The following SPOCK3 variants were observed in gnomAD, a reference collection of about 807,000 sequenced individuals.
SPOCK3 encodes the protein testican-3.
Under a neutral mutation model 56.6 loss-of-function variants are expected in SPOCK3, and 30 were observed. The ratio of observed to expected loss-of-function variants is 0.53; its 90% CI spans 0.40 to 0.72. The LOEUF (loss-of-function observed/expected upper bound fraction) is 0.72. SPOCK3 is among the 30% of genes least tolerant of loss of function. The probability of loss-of-function intolerance (pLI) is 0.00; values close to 1 mark genes in which losing one functional copy is unlikely to be tolerated. For synonymous variants in SPOCK3, 196 were observed against 183.3 expected, an observed-to-expected ratio of 1.07 and a Z score of -0.56; for missense variants, 527 against 530.0, an observed-to-expected ratio of 0.99 and a Z score of 0.06.
chr4:167,157,153 T>TA (rs1764882757), intron 2 of SPOCK3, among the ~76,000 whole-genome samples: 1 of 152,026 alleles, frequency 6.6e-6, no homozygotes, highest in African/African-American at 2.4e-5. Flanking sequence ...GATTATGAAT[T>TA]AAAAAAATAG....
At chr4:166,885,434 A>G (rs1374056450) in intron 6 of SPOCK3, among the ~76,000 whole-genome samples, 1 of 142,818 alleles carries the variant, frequency 7.0e-6, no homozygotes, top group Non-Finnish European at 1.5e-5. Flanking sequence ...AAACATTTTC[A>G]TATGTTTGAC....
At chr4:166,996,031 A>C (rs1748333248) in intron 4 of SPOCK3, among the ~76,000 whole-genome samples, 2 of 152,152 alleles carry the variant, frequency 1.3e-5, no homozygotes, top group Non-Finnish European at 2.9e-5. Flanking sequence ...TTTTAAAAAT[A>C]GTCATTATAA....
At chr4:167,011,579 G>C (rs573072610) in intron 3 of SPOCK3, among the ~76,000 whole-genome samples, 2 of 151,978 alleles carry the variant, frequency 1.3e-5, no homozygotes, top group African/African-American at 4.8e-5. Flanking sequence ...GTTTCCCCAG[G>C]ATCAATGTTG....
In SPOCK3 at chr4:167,031,770, G is replaced by A. The variant is rs115143891; in HGVS notation, c.235+30722C>T. 7.8e-3 allele frequency among the ~76,000 whole-genome samples: 1,185 copies of A among 152,032 alleles called. 24 individuals carry two copies. The highest frequency in any genetic ancestry group is 0.027 in the African/African-American group (1,117 of 41,512). On this transcript the variant is annotated intron_variant, in intron 3 of 10. Coordinates refer to ENST00000357545, the MANE Select transcript of SPOCK3 (RefSeq NM_001040159.2). ...TGAAACTCCTTTCTTTTCCTTTAGG[G>A]ATCTGCCCCTCTTCATGCCAATGTG...
At chr4:166,991,343 ATATTTATTTATTTATTTATT>A (rs5863850) in intron 4 of SPOCK3, among the ~76,000 whole-genome samples, 1 of 142,838 alleles carries the variant, frequency 7.0e-6, no homozygotes, top group Non-Finnish European at 1.5e-5. Context: ...TTTTGTTTTT[ATATTTATTTATTTATTTATT>A]TATTTATTTA....
At chr4:167,201,024 T>C (rs968328939) in intron 2 of SPOCK3, among the ~76,000 whole-genome samples, 35 of 152,008 alleles carry the variant, frequency 2.3e-4, no homozygotes, top group African/African-American at 8.0e-4. Context: ...TTTAAAACAA[T>C]TGAGCTGAGT....
At chr4:167,126,531 AAG>A (rs1762297711) in intron 2 of SPOCK3, among the ~76,000 whole-genome samples, 1 of 152,114 alleles carries the variant, frequency 6.6e-6, no homozygotes, top group African/African-American at 2.4e-5. Flanking sequence ...CCTGGGCAAC[AAG>A]AGTCAAACTC....
chr4:166,881,438 A>T (rs1003821270), intron 6 of SPOCK3, among the ~76,000 whole-genome samples: 9 of 151,930 alleles, frequency 5.9e-5, no homozygotes, highest in African/African-American at 2.2e-4. Context: ...ACTTCAACTA[A>T]CTTACTTGTA....
At position 167,108,971 on chromosome 4, in the gene SPOCK3, AT is replaced by A. The variant is rs1333710309; in HGVS notation, c.190-46435del. On this transcript the variant is annotated intron_variant, in intron 2 of 10. Coordinates refer to ENST00000357545, the MANE Select transcript of SPOCK3 (RefSeq NM_001040159.2). ...TTATAAATATTATATATATAAATATATAAATATTATAAATATATATTTATAT... is the reference window on the plus strand; with the variant it reads ...TTATAAATATTATATATATAAATATAAAATATTATAAATATATATTTATAT... 1.5e-4 allele frequency among the ~76,000 whole-genome samples: 10 copies of A among 67,708 alleles called. 1 individual carries two copies. The highest frequency in any genetic ancestry group is 6.4e-4 in the African/African-American group (9 of 14,102). The allele number at this position is 67,708 out of a possible 152,430, so 44.4% of individuals were successfully genotyped here.
intron 2 of SPOCK3, among the ~76,000 whole-genome samples, chr4:167,211,190 C>T (rs1427509776): frequency 1.3e-5 from 2 of 152,008 alleles, no homozygotes; most frequent in Admixed American, 1.3e-4. Flanking sequence ...GCCTGTAGCC[C>T]CTTTGTTTTG....
intron 4 of SPOCK3, among the ~76,000 whole-genome samples, chr4:166,963,457 A>C (rs1413342276): frequency 6.6e-6 from 1 of 151,940 alleles, no homozygotes; most frequent in Non-Finnish European, 1.5e-5. Flanking sequence ...TTCTTGAATC[A>C]TCATTGTTGA....
intron 7 of SPOCK3, among the ~76,000 whole-genome samples, chr4:166,776,300 C>A (rs951147271): frequency 1.1e-4 from 16 of 152,014 alleles, no homozygotes; most frequent in Non-Finnish European, 4.4e-5. Flanking sequence ...GTAGTCCCAG[C>A]TACTCAGGAG....
chr4:167,010,982 A>G (rs1749988193), intron 3 of SPOCK3, among the ~76,000 whole-genome samples: 4 of 152,174 alleles, frequency 2.6e-5, no homozygotes, highest in African/African-American at 9.7e-5. Context: ...TGGTGCATGT[A>G]AACATTTAAA....
At chr4:166,949,711 A>G (rs995289414) in intron 4 of SPOCK3, among the ~76,000 whole-genome samples, 1 of 152,116 alleles carries the variant, frequency 6.6e-6, no homozygotes, top group African/African-American at 2.4e-5. Context: ...GTTTCGTCTC[A>G]GAGGAGTACC....
chr4:166,953,732 A>G (rs888358877), intron 4 of SPOCK3, among the ~76,000 whole-genome samples: 1 of 152,246 alleles, frequency 6.6e-6, no homozygotes, highest in African/African-American at 2.4e-5. Flanking sequence ...TGGCACATAT[A>G]CACCATGGAA....
At chr4:166,740,968 T>C (rs934141017) in intron 9 of SPOCK3, among the ~76,000 whole-genome samples, 8 of 152,162 alleles carry the variant, frequency 5.3e-5, no homozygotes, top group Non-Finnish European at 1.2e-4. Context: ...AACTTTTAAT[T>C]TTGTACAATG....
intron 3 of SPOCK3, among the ~76,000 whole-genome samples, chr4:167,024,188 C>T (rs1395206708): frequency 6.6e-6 from 1 of 152,004 alleles, no homozygotes; most frequent in African/African-American, 2.4e-5. Flanking sequence ...AACCTGTTCA[C>T]ACTTTTGCGC....
chr4:167,212,426 G>A (rs1283777107), intron 2 of SPOCK3, among the ~76,000 whole-genome samples: 1 of 151,746 alleles, frequency 6.6e-6, no homozygotes, highest in African/African-American at 2.4e-5. Context: ...ATTTTTTGTA[G>A]AGCCGGGGTT....
intron 6 of SPOCK3, among the ~76,000 whole-genome samples, chr4:166,794,210 C>CAAAAAAA (rs10710162): frequency 1.8e-4 from 13 of 73,626 alleles, no homozygotes; most frequent in East Asian, 8.7e-4. Flanking sequence ...GGTGATAAGG[C>CAAAAAAA]AAAAAAAAAA....
Sources: allele counts gnomAD v4.1 joint callset (sites outside exome capture counted in the v4.1 genomes callset), GRCh38; gene constraint gnomAD v4.1.1; transcripts MANE v1.5; gene names NCBI Gene and HGNC (gene_info 2026-07-23, HGNC 2026-07-21).